Variants in STON2 observed in about 807,000 individuals in gnomAD.
STON2 encodes the protein stonin-2.
A neutral mutation model predicts 65.7 loss-of-function variants in STON2; 29 were observed. The observed-to-expected ratio is 0.44, with a 90% confidence interval of 0.33 to 0.60. STON2 has a LOEUF of 0.60. Ranked by LOEUF, STON2 falls within the 20% of genes least tolerant of loss-of-function variation. The probability of loss-of-function intolerance (pLI) is 0.03; values close to 1 mark genes in which losing one functional copy is unlikely to be tolerated. For synonymous variants in STON2, 404 were observed against 414.2 expected (o/e 0.98, Z 0.30); for missense variants, 1,054 against 1,118.1 (o/e 0.94, Z 0.82).
intron 3 of STON2, among the ~76,000 whole-genome samples, chr14:81,390,515 G>C (rs983722814): frequency 6.6e-6 from 1 of 152,142 alleles, no homozygotes; most frequent in African/African-American, 2.4e-5. Flanking sequence ...CGTGAGCTGG[G>C]ATCGCGCCAC....
Position 81,265,883 on chromosome 14 carries a change from G to C in STON2, c.*2531C>G, listed in dbSNP as rs17111627. The stretch of plus-strand genomic sequence containing the variant: ...CAGATGAGGCAGAGATCTTGACAGA[G>C]TGCTAAGCGTGAGTGACTAAGGAAG... On this transcript the variant is annotated 3_prime_UTR_variant, in exon 8 of 8. Coordinates refer to ENST00000614646, the MANE Select transcript of STON2 (RefSeq NM_001394390.1). 37,134 of 985,210 alleles carry C rather than the reference G, an allele frequency of 0.038. 786 individuals are homozygous for C. Among genetic ancestry groups the C allele is most frequent in the South Asian group, 0.065 (1,386 of 21,272 alleles). The allele number at this position is 985,210 out of a possible 1,614,324, so 61.0% of individuals were successfully genotyped here. A position where few individuals can be genotyped will look rare whatever the true frequency, so the allele number is the denominator to read the frequency against.
intron 4 of STON2, among the ~76,000 whole-genome samples, chr14:81,330,099 T>C (rs1449958648): frequency 6.6e-6 from 1 of 151,826 alleles, no homozygotes; most frequent in African/African-American, 2.4e-5. Flanking sequence ...GGAGGCTCCA[T>C]GGCCTAATAA....
chr14:81,284,043 T>A (rs1162790010), intron 5 of STON2, among the ~76,000 whole-genome samples: 1 of 152,242 alleles, frequency 6.6e-6, no homozygotes, highest in Non-Finnish European at 1.5e-5. Flanking sequence ...TGTGCCCATA[T>A]AAGATGGTAA....
At chr14:81,370,818 C>T (rs1231901347) in intron 4 of STON2, among the ~76,000 whole-genome samples, 170 bp downstream of exon 4, 1 of 152,192 alleles carries the variant, frequency 6.6e-6, no homozygotes, top group Non-Finnish European at 1.5e-5. Context: ...ATACATCTTC[C>T]CCAATGCAAT....
At chr14:81,305,714 G>GGTT (rs1896146281) in intron 5 of STON2, among the ~76,000 whole-genome samples, 1 of 151,942 alleles carries the variant, frequency 6.6e-6, no homozygotes, top group Non-Finnish European at 1.5e-5. Flanking sequence ...ATTTACATGT[G>GGTT]GTTTAATTTA....
At chr14:81,294,542 T>C (rs1895685927) in intron 5 of STON2, among the ~76,000 whole-genome samples, 1 of 152,218 alleles carries the variant, frequency 6.6e-6, no homozygotes, top group African/African-American at 2.4e-5. Context: ...GAGATAATAA[T>C]AGTACTTACC....
At chr14:81,305,620 A>G (rs1052278059) in intron 5 of STON2, among the ~76,000 whole-genome samples, 2 of 151,980 alleles carry the variant, frequency 1.3e-5, no homozygotes, top group African/African-American at 4.8e-5. Flanking sequence ...GTTATTATGT[A>G]TTTATTGCAA....
chr14:81,270,972 G>C, intron 6 of STON2, 100 bp from the exon 7 acceptor site: 1 of 1,449,470 alleles, frequency 6.9e-7, no homozygotes, highest in Non-Finnish European at 9.1e-7. Flanking sequence ...CTGTGGGCTC[G>C]GCACCCGGCA....
At chr14:81,410,141 T>C (rs1428291669) in intron 2 of STON2, among the ~76,000 whole-genome samples, 1 of 152,094 alleles carries the variant, frequency 6.6e-6, no homozygotes, top group East Asian at 1.9e-4. Flanking sequence ...ATAACAGTCA[T>C]TGGCCCTGAT....
intron 2 of STON2, among the ~76,000 whole-genome samples, chr14:81,423,098 A>G (rs1243968124): frequency 6.6e-6 from 1 of 152,012 alleles, no homozygotes; most frequent in Non-Finnish European, 1.5e-5. Context: ...AACTATCTTC[A>G]TCTTCCTGCA....
chr14:81,418,491 G>C (rs1901547480), intron 2 of STON2, among the ~76,000 whole-genome samples: 1 of 152,146 alleles, frequency 6.6e-6, no homozygotes, highest in African/African-American at 2.4e-5. Flanking sequence ...AAGCTTGATT[G>C]CAAGGAGTTA....
At chr14:81,360,965 T>C (rs1170799481) in intron 4 of STON2, among the ~76,000 whole-genome samples, 3 of 152,086 alleles carry the variant, frequency 2.0e-5, no homozygotes, top group Non-Finnish European at 4.4e-5. Flanking sequence ...AGGTGAAAAC[T>C]ATAAAATATT....
chr14:81,369,254 C>A (rs912135548), intron 4 of STON2, among the ~76,000 whole-genome samples: 1 of 152,138 alleles, frequency 6.6e-6, no homozygotes, highest in African/African-American at 2.4e-5. Flanking sequence ...CCAACCAAAA[C>A]AGGGGAGGAG....
At chr14:81,344,564 T>C (rs1897741840) in intron 4 of STON2, among the ~76,000 whole-genome samples, 1 of 152,246 alleles carries the variant, frequency 6.6e-6, no homozygotes, top group South Asian at 2.1e-4. Flanking sequence ...CTTAGATAGC[T>C]GGGCTTTGCT....
At chr14:81,370,441 A>G (rs558407919) in intron 4 of STON2, among the ~76,000 whole-genome samples, 1 of 152,328 alleles carries the variant, frequency 6.6e-6, no homozygotes, top group East Asian at 1.9e-4. Flanking sequence ...GGAAAGTTTA[A>G]TAAAGGAGGC....
At chr14:81,415,174 A>G (rs1039053977) in intron 2 of STON2, among the ~76,000 whole-genome samples, 2 of 152,076 alleles carry the variant, frequency 1.3e-5, no homozygotes, top group Non-Finnish European at 2.9e-5. Flanking sequence ...AGCACTGTTC[A>G]TGACAGTTCA....
At chr14:81,434,757 T>G (rs1419569934) in intron 1 of STON2, among the ~76,000 whole-genome samples, 2 of 152,164 alleles carry the variant, frequency 1.3e-5, no homozygotes, top group Admixed American at 1.3e-4. Context: ...TGTCGATATT[T>G]TAAGTTTTAA....
At chr14:81,354,736 A>C (rs947799569) in intron 4 of STON2, among the ~76,000 whole-genome samples, 4 of 152,160 alleles carry the variant, frequency 2.6e-5, no homozygotes, top group Non-Finnish European at 5.9e-5. Context: ...AATGCAACAG[A>C]GGCTGGGCAC....
chr14:81,344,003 C>T (rs752768254), intron 4 of STON2, among the ~76,000 whole-genome samples: 11 of 152,138 alleles, frequency 7.2e-5, no homozygotes, highest in Non-Finnish European at 1.5e-4. Context: ...GAATACGGAA[C>T]TAGCATTATG....
Sources: gnomAD v4.1 joint callset for allele counts (sites outside exome capture counted in the v4.1 genomes callset) on GRCh38, gnomAD v4.1.1 for gene constraint, MANE v1.5 for transcripts, NCBI Gene and HGNC (gene_info 2026-07-23, HGNC 2026-07-21) for gene names.